Variants in PKD1 observed in about 807,000 individuals in gnomAD.
PKD1 encodes polycystin-1.
PKD1 carries 81 observed loss-of-function variants against 361.7 expected under a neutral mutation model. The ratio of observed to expected loss-of-function variants is 0.22; its 90% CI spans 0.19 to 0.27. The LOEUF is 0.27. Among genes scored for constraint, PKD1 ranks in the 10% least tolerant of loss-of-function variants. PKD1 has a pLI of 1.00. For missense variants in PKD1, 6,399 were observed against 6,118.3 expected, an observed-to-expected ratio of 1.05 and a Z score of -1.53; for synonymous variants, 3,615 against 2,818.3, an observed-to-expected ratio of 1.28 and a Z score of -8.95.
In PKD1 at chr16:2,102,350, C is replaced by T. The variant is rs1414925551; in HGVS notation, c.9201+31G>A. 3 of 1,549,456 alleles carry T rather than the reference C, an allele frequency of 1.9e-6. No homozygotes were observed. In the East Asian group the frequency reaches 7.3e-5, roughly 38 times the overall value. ...CCCACCCAGGCCCTCCTCGACTCTG[C>T]AGAGGCTCCCAGGAGCACAGGGTCA... On this transcript the variant is annotated intron_variant, in intron 25 of 45. Transcript: ENST00000262304.
chr16:2,091,929 G>A (rs761577582), intron 40 of PKD1, 23 bp from the exon 41 acceptor site: 30 of 1,611,598 alleles, frequency 1.9e-5, no homozygotes, highest in Non-Finnish European at 2.3e-5. Context: ...GGTGGCGTGG[G>A]TGCCGCACCC....
chr16:2,107,343 C>A (rs1707610885), intron 16 of PKD1: 2 of 376,224 alleles, frequency 5.3e-6, no homozygotes, highest in Non-Finnish European at 1.0e-5. Flanking sequence ...GGAGGCTGAG[C>A]TGGGATGGAA....
Position 2,093,669 on chromosome 16 carries a change from C to G in PKD1, c.10891G>C (p.Val3631Leu), listed in dbSNP as rs138089695. 1 of 1,607,242 alleles carries G rather than the reference C, an allele frequency of 6.2e-7. No individual in the cohort carries two copies. Among genetic ancestry groups the G allele is most frequent in the Non-Finnish European group, 8.5e-7 (1 of 1,177,108 alleles). ...RLHPDEDDTLVESPAVTPVSA... is the reference protein window; with the variant it reads ...RLHPDEDDTLLESPAVTPVSA... ...ACAGGCGTCACAGCCGGGCTCTCTA[C>G]CAGGGTGTCATCTTCATCCGGGTGC... The change falls in exon 37 of 46, where the codon GTA (valine) becomes CTA (leucine). Residue 3631 changes from valine (V) to leucine (L), a missense_variant. Physicochemically the swap from Val to Leu is conservative, Grantham distance 32. Transcript: ENST00000262304.
intron 42 of PKD1, 118 bp downstream of exon 42, chr16:2,091,305 C>CGGGGCCCTGCGAGGGGGT: frequency 3.4e-6 from 1 of 295,294 alleles, no homozygotes; most frequent in Middle Eastern, 1.4e-3. Context: ...TGCGAGGGGG[C>CGGGGCCCTGCGAGGGGGT]GGGACGCTGC....
At position 2,097,305 on chromosome 16, in the gene PKD1, T is replaced by G; in HGVS notation, c.10405+14A>C. The G allele has an allele frequency of 1.2e-6, 2 of 1,612,404 alleles. No individual in the cohort carries two copies. The highest frequency in any genetic ancestry group is 1.7e-6 in the Non-Finnish European group (2 of 1,179,772). On this transcript the variant is annotated intron_variant, in intron 33 of 45. Coordinates refer to ENST00000262304, the MANE Select transcript of PKD1 (RefSeq NM_001009944.3). ...GGGTGAGCTTCAGAGCCCCCTCCTC[T>G]CACCCCAGCTCACCTGATGCTGAGA...
At position 2,110,517 on chromosome 16, in the gene PKD1, C is replaced by G; in HGVS notation, c.4650G>C (p.Gly1550=). Residue 1550 remains glycine, a synonymous_variant, in exon 15 of 46, where the codon GGG becomes GGC. Transcript: ENST00000262304. ...LNVTVKRRVR[G]LVVNASRTVV... ...CCGTGCGGCTTGCATTGACGACGAG[C>G]CCCCGCACGCGCCGCTTCACCGTCA... 3 of 1,611,598 alleles carry G rather than the reference C, an allele frequency of 1.9e-6. No individual in the cohort carries two copies. The highest frequency in any genetic ancestry group is 2.2e-5 in the East Asian group (1 of 44,886).
Position 2,091,115 on chromosome 16 carries a change from C to A in PKD1, c.11772G>T (p.Arg3924Ser). 2 of 1,493,130 alleles carry A rather than the reference C, an allele frequency of 1.3e-6. No individual in the cohort carries two copies. The highest frequency in any genetic ancestry group is 1.8e-6 in the Non-Finnish European group (2 of 1,127,864). 92.5% of individuals were successfully genotyped at this position (1,493,130 alleles called of 1,614,324 possible). A position where few individuals can be genotyped will look rare whatever the true frequency, so the allele number is the denominator to read the frequency against. The change falls in exon 43 of 46, where the codon AGG becomes AGT. Residue 3924 changes from arginine (R) to serine (S), a missense_variant. By Grantham distance (110) the Arg-to-Ser change is moderately radical (BLOSUM62 -1). Coordinates refer to ENST00000262304, the MANE Select transcript of PKD1 (RefSeq NM_001009944.3). Reference protein sequence around the residue: ...FAVAEARTWHREGRWRVLRLG... With the variant: ...FAVAEARTWHSEGRWRVLRLG... ...GCCGCAGCACGCGCCAGCGCCCTTC[C>A]CTGTGCCAAGTACGGGCCTCGGCCA...
chr16:2,107,532 G>C, intron 16 of PKD1: 1 of 417,640 alleles, frequency 2.4e-6, no homozygotes, highest in Non-Finnish European at 4.5e-6. Context: ...CCGGTCCAGA[G>C]AGGGGAGCGT....
At chr16:2,093,134 CCA>C (rs1189984058) in intron 37 of PKD1, 41 bp from the exon 38 acceptor site, 1 of 1,609,936 alleles carries the variant, frequency 6.2e-7, no homozygotes, top group Non-Finnish European at 8.5e-7. Context: ...TGGCCCCAGC[CCA>C]CAGTGACAGC....
chr16:2,125,503 T>G (rs1279362998), intron 1 of PKD1, among the ~76,000 whole-genome samples: 1 of 148,486 alleles, frequency 6.7e-6, no homozygotes, highest in East Asian at 1.9e-4. Flanking sequence ...GGGGGTGACA[T>G]GGGCAGCCTC....
chr16:2,097,395 G>T lies in PKD1; in HGVS notation c.10329C>A (p.Gly3443=), dbSNP rs746776878. 8 of 1,610,374 alleles carry T rather than the reference G, an allele frequency of 5.0e-6. No homozygotes were observed. Among genetic ancestry groups the T allele is most frequent in the Non-Finnish European group, 6.8e-6 (8 of 1,179,814 alleles). The part of the protein sequence containing the change: ...NLRQLARGQA[G]HGLGPEEDGF... ...CGTCCTCCTCTGGGCCCAGCCCATG[G>T]CCCGCCTGGCCCCGTGCCAGCTGCC... is the stretch of plus-strand genomic sequence containing the variant. The change falls in exon 33 of 46, where the codon GGC becomes GGA. Residue 3443 remains glycine (G), a synonymous_variant. Coordinates refer to ENST00000262304, the MANE Select transcript of PKD1 (RefSeq NM_001009944.3).
At chr16:2,090,223 C>G (rs1677690183) in intron 45 of PKD1, 29 bp from the exon 46 acceptor site, 1 of 1,608,812 alleles carries the variant, frequency 6.2e-7, no homozygotes, top group African/African-American at 1.3e-5. Flanking sequence ...CTCAGTCAGT[C>G]CGGCTGCACC....
At position 2,106,954 on chromosome 16, in the gene PKD1, G is replaced by A. The variant is rs962748840; in HGVS notation, c.7066-6C>T. Reference sequence around the variant, plus strand: ...CGGCCACTCCGGATCAGCACCTGGCGTGGGAGTGGGGTTACCTCCAACACA... The same window carrying A: ...CGGCCACTCCGGATCAGCACCTGGCATGGGAGTGGGGTTACCTCCAACACA... On this transcript the variant is annotated splice_polypyrimidine_tract_variant and splice_region_variant and intron_variant, in intron 16 of 45. Transcript: ENST00000262304. The surrounding 1 kb of genome is among the most constrained non-coding windows in gnomAD (Gnocchi z 6.5). 80 of 1,584,494 alleles carry A rather than the reference G, an allele frequency of 5.0e-5. No homozygotes were observed. The African/African-American group carries it at 5.1e-4, about 10-fold the overall frequency.
In PKD1 at chr16:2,105,566, G is replaced by A. The variant is rs367598440; in HGVS notation, c.7864-92C>T. On this transcript the variant is annotated intron_variant, in intron 20 of 45. Coordinates refer to ENST00000262304, the MANE Select transcript of PKD1 (RefSeq NM_001009944.3). ...CCCACGACTCCCGGGGTGCAGTTAC[G>A]TGCTAGACGCTGTGTGATGCGGGCA... 1.1e-4 allele frequency: 183 copies of A among 1,594,312 alleles called. No homozygotes were observed. The East Asian group carries it at 1.6e-3, about 14-fold the overall frequency.
At position 2,090,180 on chromosome 16, in the gene PKD1, G is replaced by C. The variant is rs773103894; in HGVS notation, c.12459C>G (p.Val4153=). 1.6e-5 allele frequency: 26 copies of C among 1,603,496 alleles called. No individual in the cohort carries two copies. The highest frequency in any genetic ancestry group is 2.1e-5 in the Non-Finnish European group (25 of 1,175,244). The change falls in exon 46 of 46, where the codon GTC becomes GTG. Residue 4153 remains valine (V), a synonymous_variant. Transcript: ENST00000262304. ...LSKVKEFRHK[V]RFEGMEPLPS... ...GCAGCGGCTCCATCCCTTCAAAGCG[G>C]ACTTTGTGGCGGAACTGGGGGCGGC...
In PKD1 at chr16:2,092,967, G is replaced by A. The variant is rs140662462; in HGVS notation, c.11143C>T (p.Leu3715=). ...GGATGCCCGTACCGCGTGATGGCCA[G>A]GAAGGCCCGGCTGTGCAGCTCCTGC... The part of the protein sequence containing the change: ...IKQELHSRAF[L]AITRSEELWP... The change falls in exon 38 of 46, where the codon CTG becomes TTG. Residue 3715 remains leucine (L), a synonymous_variant. Coordinates refer to ENST00000262304, the MANE Select transcript of PKD1 (RefSeq NM_001009944.3). The A allele has an allele frequency of 4.3e-6, 7 of 1,613,042 alleles. No homozygotes were observed. The highest frequency in any genetic ancestry group is 1.7e-5 in the Admixed American group (1 of 60,022).
chr16:2,121,992 G>A (rs1004839116), intron 1 of PKD1, among the ~76,000 whole-genome samples: 5 of 152,226 alleles, frequency 3.3e-5, no homozygotes, highest in East Asian at 1.9e-4. Flanking sequence ...TCCTCCCACC[G>A]GAGCTCCGCT....
intron 9 of PKD1, 67 bp from the exon 10 acceptor site, chr16:2,115,692 C>T (rs2855345): frequency 2.7e-6 from 4 of 1,458,722 alleles, no homozygotes; most frequent in South Asian, 1.2e-5. Flanking sequence ...TGCCCAACTG[C>T]CTGCACCAGC....
chr16:2,129,313 T>C (rs1231116100), intron 1 of PKD1, among the ~76,000 whole-genome samples: 2 of 151,080 alleles, frequency 1.3e-5, no homozygotes, highest in Non-Finnish European at 3.0e-5. Flanking sequence ...GCGCCACCAC[T>C]AATATCTATT....
Sources: gnomAD v4.1 joint callset for allele counts (sites outside exome capture counted in the v4.1 genomes callset) on GRCh38, gnomAD v4.1.1 for gene constraint, Gnocchi (gnomAD v3.1) non-coding constraint, MANE v1.5 for transcripts, NCBI Gene and HGNC (gene_info 2026-07-23, HGNC 2026-07-21) for gene names.